The following ARFGEF1 variants were observed in gnomAD, a reference collection of about 807,000 sequenced individuals.
ARFGEF1 encodes brefeldin A-inhibited guanine nucleotide-exchange protein 1.
ARFGEF1 carries 42 observed loss-of-function variants against 231.0 expected under a neutral mutation model. That is an observed-to-expected ratio of 0.18 (90% CI 0.14 to 0.24). The LOEUF (loss-of-function observed/expected upper bound fraction) is 0.24. Ranked by LOEUF, ARFGEF1 falls within the 10% of genes least tolerant of loss-of-function variation. The pLI is 1.00. For missense variants in ARFGEF1, 1,345 were observed against 2,192.0 expected, an observed-to-expected ratio of 0.61 and a Z score of 7.72; for synonymous variants, 710 against 732.3, an observed-to-expected ratio of 0.97 and a Z score of 0.49.
chr8:67,301,432 TAATA>T (rs764740193), intron 2 of ARFGEF1, 52 bp from the exon 3 acceptor site: 4 of 1,524,110 alleles, frequency 2.6e-6, no homozygotes, highest in Non-Finnish European at 3.5e-6. Context: ...ATAATATTGA[TAATA>T]AACCCATGTA....
intron 7 of ARFGEF1, among the ~76,000 whole-genome samples, chr8:67,282,533 G>A (rs1010647940): frequency 1.3e-5 from 2 of 151,932 alleles, no homozygotes; most frequent in Non-Finnish European, 2.9e-5. Context: ...AATTTTTTTT[G>A]TGGTCAAGTA....
chr8:67,228,202 T>C (rs764320409), intron 24 of ARFGEF1, 22 bp downstream of exon 24: 1 of 1,609,454 alleles, frequency 6.2e-7, no homozygotes, highest in East Asian at 2.2e-5. Flanking sequence ...AGTTCCGAAG[T>C]AGAATAAATG....
At chr8:67,203,477 T>C (rs549663747) in intron 35 of ARFGEF1, among the ~76,000 whole-genome samples, 55 of 152,306 alleles carry the variant, frequency 3.6e-4, no homozygotes, top group African/African-American at 1.3e-3. Context: ...TCCCTGGCCC[T>C]GCGTTCCTCA....
intron 3 of ARFGEF1, 36 bp from the exon 4 acceptor site, chr8:67,299,391 G>A: frequency 1.3e-6 from 2 of 1,572,460 alleles, no homozygotes; most frequent in East Asian, 2.3e-5. Flanking sequence ...TCCTAAGTAA[G>A]GTAACAAATA....
chr8:67,277,341 C>T lies in ARFGEF1; in HGVS notation c.1144G>A (p.Val382Ile). The T allele has an allele frequency of 6.2e-7, 1 of 1,613,548 alleles. No individual in the cohort carries two copies. The change falls in exon 8 of 39, where the codon GTT becomes ATT. Residue 382 changes from valine (V) to isoleucine (I), a missense_variant. Around this residue, in one of 14 missense-constraint regions of ARFGEF1, gnomAD observed 398 missense variants for 463.2 expected, o/e 0.86. Coordinates refer to ENST00000262215, the MANE Select transcript of ARFGEF1 (RefSeq NM_006421.5). The stretch of plus-strand genomic sequence containing the variant: ...TCAGGTAAGGATGGTGTATATGCAA[C>T]AGAAATTGGTGTTCCTGGAATTCCA... The part of the protein sequence containing the change: ...ANGIPGTPIS[V>I]AYTPSLPDDR...
intron 27 of ARFGEF1, among the ~76,000 whole-genome samples, chr8:67,226,623 A>C (rs562515126): frequency 5.3e-5 from 8 of 152,268 alleles, no homozygotes; most frequent in Non-Finnish European, 1.2e-4. Context: ...TGATGATGCC[A>C]TGATTCTTGA....
chr8:67,242,133 A>T (rs1839950012), intron 19 of ARFGEF1, among the ~76,000 whole-genome samples: 1 of 152,204 alleles, frequency 6.6e-6, no homozygotes, highest in Non-Finnish European at 1.5e-5. Context: ...CCTGAAAGTC[A>T]GTCTAGGCCA....
At chr8:67,262,392 A>T (rs1465706840) in intron 14 of ARFGEF1, among the ~76,000 whole-genome samples, 1 of 152,244 alleles carries the variant, frequency 6.6e-6, no homozygotes, top group Non-Finnish European at 1.5e-5. Context: ...CTTATAGACA[A>T]GTGAAAACAG....
chr8:67,251,487 A>C (rs559670115), intron 18 of ARFGEF1, 37 bp from the exon 19 acceptor site: 1 of 1,508,550 alleles, frequency 6.6e-7, no homozygotes, highest in Admixed American at 2.2e-5. Flanking sequence ...TTAAATATAA[A>C]ACATTTAAGA....
intron 1 of ARFGEF1, among the ~76,000 whole-genome samples, chr8:67,337,755 A>T (rs1457165577): frequency 6.6e-6 from 1 of 152,140 alleles, no homozygotes; most frequent in East Asian, 1.9e-4. Flanking sequence ...AACTCTAACT[A>T]AATCAGTACT....
chr8:67,281,942 T>C (rs1343921791), intron 7 of ARFGEF1, among the ~76,000 whole-genome samples: 1 of 152,288 alleles, frequency 6.6e-6, no homozygotes, highest in East Asian at 1.9e-4. Context: ...GAACTTTTTA[T>C]GTTTCTGGAG....
downstream of ARFGEF1, among the ~76,000 whole-genome samples, chr8:67,194,161 T>G (rs1041867066): frequency 6.6e-6 from 1 of 152,062 alleles, no homozygotes; most frequent in African/African-American, 2.4e-5. Context: ...CAAGCTACCC[T>G]GCCAGCCCTA....
At position 67,329,733 on chromosome 8, in the gene ARFGEF1, A is replaced by T. The variant is rs150714929; in HGVS notation, c.124+13431T>A. On this transcript the variant is annotated intron_variant, in intron 1 of 38. Transcript: ENST00000262215. Reference sequence around the variant, plus strand: ...TATCTTAGACAAAATATTTAGGGACATTAATTTACTAAATCAATAAAACCT... The same window carrying T: ...TATCTTAGACAAAATATTTAGGGACTTTAATTTACTAAATCAATAAAACCT... 1.6e-4 allele frequency among the ~76,000 whole-genome samples: 25 copies of T among 151,974 alleles called. No individual in the cohort carries two copies. In the East Asian group the frequency reaches 2.7e-3, roughly 16 times the overall value.
chr8:67,207,458 C>T (rs1399707236), intron 34 of ARFGEF1, among the ~76,000 whole-genome samples: 1 of 152,146 alleles, frequency 6.6e-6, no homozygotes, highest in Non-Finnish European at 1.5e-5. Flanking sequence ...GACAGGGATC[C>T]TAACTACAGT....
chr8:67,307,156 G>T (rs1483275738), intron 1 of ARFGEF1, among the ~76,000 whole-genome samples: 1 of 152,216 alleles, frequency 6.6e-6, no homozygotes, highest in Non-Finnish European at 1.5e-5. Context: ...GTAACTCTGG[G>T]AGTCTATATA....
chr8:67,289,530 C>T (rs561535207), intron 6 of ARFGEF1, among the ~76,000 whole-genome samples: 2 of 107,226 alleles, frequency 1.9e-5, no homozygotes, highest in Non-Finnish European at 1.7e-5. Context: ...GTCAGGGTGA[C>T]AGAGCAAGAC....
chr8:67,181,803 C>G (rs144778957), intron 5 of ARFGEF1, among the ~76,000 whole-genome samples: 76 of 152,276 alleles, frequency 5.0e-4, no homozygotes, highest in African/African-American at 1.7e-3. Context: ...AATAGAAACT[C>G]TTCATATGAA....
intron 10 of ARFGEF1, among the ~76,000 whole-genome samples, chr8:67,270,916 C>T (rs746168952): frequency 6.7e-6 from 1 of 149,812 alleles, no homozygotes; most frequent in African/African-American, 2.5e-5. Context: ...CCCAGCTACT[C>T]GGGAAGCTAA....
At chr8:67,328,367 C>T (rs1311977793) in intron 1 of ARFGEF1, among the ~76,000 whole-genome samples, 2 of 152,136 alleles carry the variant, frequency 1.3e-5, no homozygotes, top group Non-Finnish European at 2.9e-5. Context: ...TATTGCTAGA[C>T]TGAGATTTGT....
Sources: allele counts gnomAD v4.1 joint callset (sites outside exome capture counted in the v4.1 genomes callset), GRCh38; gene constraint gnomAD v4.1.1; regional missense constraint gnomAD v4.1.1; transcripts MANE v1.5; gene names NCBI Gene and HGNC (gene_info 2026-07-23, HGNC 2026-07-21).